The following ROBO1 variants were observed in gnomAD, a reference collection of about 807,000 sequenced individuals.
ROBO1 encodes roundabout guidance receptor 1.
Under a neutral mutation model 195.9 loss-of-function variants are expected in ROBO1, and 149 were observed. The observed-to-expected ratio is 0.76, with a 90% CI of 0.67 to 0.87. The LOEUF is 0.87. Ranked by LOEUF, ROBO1 falls within the 40% of genes least tolerant of loss-of-function variation. ROBO1 has a pLI of 0.00. For synonymous variants in ROBO1, 816 were observed against 733.2 expected, an observed-to-expected ratio of 1.11 and a Z score of -1.82; for missense variants, 1,933 against 2,068.3, an observed-to-expected ratio of 0.93 and a Z score of 1.27.
intron 4 of ROBO1, among the ~76,000 whole-genome samples, chr3:78,747,849 C>T (rs996731519): frequency 3.3e-5 from 5 of 152,148 alleles, no homozygotes; most frequent in Admixed American, 6.6e-5. Context: ...ATCTTGATAA[C>T]ATCAAGAAAT....
intron 2 of ROBO1, among the ~76,000 whole-genome samples, chr3:79,126,881 A>T (rs552383966): frequency 6.6e-6 from 1 of 152,194 alleles, no homozygotes; most frequent in African/African-American, 2.4e-5. Context: ...TTAAAAAAGG[A>T]ATACAAAGAC....
intron 29 of ROBO1, among the ~76,000 whole-genome samples, chr3:78,602,251 A>T (rs2107242233): frequency 6.6e-6 from 1 of 152,098 alleles, no homozygotes; most frequent in Admixed American, 6.6e-5. Flanking sequence ...AGTTCACACA[A>T]GATCTGGTGG....
chr3:79,320,260 A>G (rs1031554342), intron 2 of ROBO1, among the ~76,000 whole-genome samples: 5 of 152,132 alleles, frequency 3.3e-5, no homozygotes, highest in African/African-American at 1.2e-4. Context: ...TGGGGTCTCT[A>G]TTAAGCAGGT....
intron 11 of ROBO1, 53 bp downstream of exon 11, chr3:78,670,043 G>C: frequency 7.0e-7 from 1 of 1,423,514 alleles, no homozygotes; most frequent in Non-Finnish European, 9.6e-7. Context: ...AGTTGTTGGA[G>C]GCAGAAACAA....
intron 1 of ROBO1, among the ~76,000 whole-genome samples, chr3:79,725,904 T>C (rs1702903378): frequency 6.8e-6 from 1 of 147,274 alleles, no homozygotes; most frequent in South Asian, 2.1e-4. Flanking sequence ...TACAGACACT[T>C]AAAAAAAAAA....
chr3:78,966,181 A>T (rs186386019), intron 3 of ROBO1, among the ~76,000 whole-genome samples: 53 of 152,232 alleles, frequency 3.5e-4, no homozygotes, highest in African/African-American at 1.3e-3. Context: ...GAATAGCTGC[A>T]CTCCAAAACC....
intron 2 of ROBO1, among the ~76,000 whole-genome samples, chr3:79,402,991 T>C (rs1316120903): frequency 1.3e-5 from 2 of 151,924 alleles, no homozygotes; most frequent in African/African-American, 4.8e-5. Context: ...ATAGAGTAGC[T>C]ACATTGCTAC....
chr3:78,971,068 G>C (rs1479766493), intron 3 of ROBO1, among the ~76,000 whole-genome samples: 1 of 152,158 alleles, frequency 6.6e-6, no homozygotes, highest in Non-Finnish European at 1.5e-5. Flanking sequence ...ATTTGGTTCA[G>C]AGTAGAATCA....
At position 79,582,883 on chromosome 3, in the gene ROBO1, C is replaced by A. The variant is rs544821581; in HGVS notation, c.88+6941G>T. Among the ~76,000 whole-genome samples the A allele has an allele frequency of 2.0e-5, 3 of 152,002 alleles. No individual in the cohort carries two copies. The South Asian group carries it at 6.2e-4, about 32-fold the overall frequency. Reference sequence around the variant, plus strand: ...CTGGGATTCTCTTTCCTACTCACCCCTTTTCAACCTTGTAAAACTCCTAAA... The same window carrying A: ...CTGGGATTCTCTTTCCTACTCACCCATTTTCAACCTTGTAAAACTCCTAAA... On this transcript the variant is annotated intron_variant, in intron 2 of 30. Transcript: ENST00000464233.
At chr3:79,043,455 G>A (rs1026152397) in intron 3 of ROBO1, among the ~76,000 whole-genome samples, 2 of 151,924 alleles carry the variant, frequency 1.3e-5, no homozygotes, top group African/African-American at 4.8e-5. Flanking sequence ...GGTCACTAAA[G>A]GTCAAAACCC....
intron 2 of ROBO1, among the ~76,000 whole-genome samples, chr3:79,305,398 A>C (rs966710874): frequency 1.3e-5 from 2 of 151,470 alleles, no homozygotes; most frequent in African/African-American, 4.9e-5. Context: ...GAGGCAGGAG[A>C]ATCACTTGAA....
chr3:79,388,842 C>A (rs79917848), intron 2 of ROBO1, among the ~76,000 whole-genome samples: 14,634 of 152,098 alleles, frequency 0.096, 860 homozygotes, highest in South Asian at 0.13. Flanking sequence ...GACAGAGCAA[C>A]AACAATCCCC....
chr3:78,686,417 G>A (rs1034464141), intron 9 of ROBO1, among the ~76,000 whole-genome samples: 7 of 151,864 alleles, frequency 4.6e-5, no homozygotes, highest in Non-Finnish European at 8.8e-5. Context: ...TTAGCCGGGC[G>A]TGGTGGCAGC....
intron 2 of ROBO1, among the ~76,000 whole-genome samples, chr3:79,156,575 A>G (rs1213788334): frequency 1.3e-5 from 2 of 151,846 alleles, no homozygotes; most frequent in Non-Finnish European, 2.9e-5. Flanking sequence ...CAGTTTGGTT[A>G]TGGGGTAGAC....
intron 4 of ROBO1, among the ~76,000 whole-genome samples, chr3:78,895,676 C>T (rs78020726): frequency 2.0e-3 from 308 of 152,280 alleles, no homozygotes; most frequent in African/African-American, 7.2e-3. Flanking sequence ...GCATTGCTAT[C>T]ACAAAAGTTG....
chr3:78,856,672 A>G (rs1286602287), intron 4 of ROBO1, among the ~76,000 whole-genome samples: 4 of 151,482 alleles, frequency 2.6e-5, no homozygotes, highest in Non-Finnish European at 5.9e-5. Context: ...AATAAAAATA[A>G]AAATTACCCA....
At chr3:79,609,155 T>A (rs1176567214) in intron 1 of ROBO1, among the ~76,000 whole-genome samples, 2 of 151,902 alleles carry the variant, frequency 1.3e-5, no homozygotes, top group African/African-American at 4.8e-5. Context: ...AGATATTTTG[T>A]TTTAGCAGCA....
At chr3:79,706,255 T>C (rs578117867) in intron 1 of ROBO1, among the ~76,000 whole-genome samples, 1 of 152,166 alleles carries the variant, frequency 6.6e-6, no homozygotes, top group Non-Finnish European at 1.5e-5. Context: ...GCTTCTGGTT[T>C]CTCATGATTA....
chr3:79,608,472 T>G (rs1310739134), intron 1 of ROBO1, among the ~76,000 whole-genome samples: 1 of 151,980 alleles, frequency 6.6e-6, no homozygotes, highest in Non-Finnish European at 1.5e-5. Flanking sequence ...TTCATAATTC[T>G]CTTGCACTCT....
Sources: allele counts gnomAD v4.1 joint callset (sites outside exome capture counted in the v4.1 genomes callset), GRCh38; gene constraint gnomAD v4.1.1; transcripts MANE v1.5; gene names NCBI Gene and HGNC (gene_info 2026-07-23, HGNC 2026-07-21).